TAB2: variants seen among roughly 807,000 people sequenced by gnomAD.
TAB2 encodes the protein TGF-beta-activated kinase 1 and MAP3K7-binding protein 2.
Under a neutral mutation model 65.0 loss-of-function variants are expected in TAB2, and 3 were observed. The ratio of observed to expected loss-of-function variants is 0.05; its 90% CI spans 0.02 to 0.12. The LOEUF is 0.12. Ranked by LOEUF, TAB2 falls within the 10% of genes least tolerant of loss-of-function variation. The probability of loss-of-function intolerance (pLI) is 1.00; values close to 1 mark genes in which losing one functional copy is unlikely to be tolerated. For missense variants in TAB2, 623 were observed against 840.3 expected, an observed-to-expected ratio of 0.74 and a Z score of 3.20; for synonymous variants, 298 against 285.1, an observed-to-expected ratio of 1.05 and a Z score of -0.46.
At chr6:149,300,123 C>T (rs1202750776) in intron 1 of TAB2, among the ~76,000 whole-genome samples, 2 of 152,082 alleles carry the variant, frequency 1.3e-5, no homozygotes, top group African/African-American at 2.4e-5. Context: ...GATATAGGAA[C>T]AGTATCTTGT....
At chr6:149,287,383 G>A (rs996449724) in intron 1 of TAB2, among the ~76,000 whole-genome samples, 5 of 151,612 alleles carry the variant, frequency 3.3e-5, no homozygotes, top group Non-Finnish European at 4.4e-5. Context: ...ATTTATGCCC[G>A]AACTAGAAAT....
At chr6:149,409,371 A>G (rs1055219818) in intron 6 of TAB2, among the ~76,000 whole-genome samples, 3 of 152,050 alleles carry the variant, frequency 2.0e-5, no homozygotes, top group Admixed American at 2.0e-4. Context: ...TGATTACATC[A>G]TGTTCATGTT....
chr6:149,347,621 T>C (rs921637298), intron 1 of TAB2, among the ~76,000 whole-genome samples: 5 of 152,172 alleles, frequency 3.3e-5, no homozygotes, highest in Admixed American at 6.5e-5. Flanking sequence ...AGATTGATTA[T>C]AGTTACCTCA....
rs1562389571 is a variant in TAB2, at chr6:149,254,065, GGAAGGAAGGA to G, written c.-121+35290_-121+35299del. On this transcript the variant is annotated intron_variant, in intron 1 of 1. Transcript: ENST00000606202. ...AAAGAAAGAGGGAGAGAGGGAGGAA[GGAAGGAAGGA>G]AGGAAGGAAGGAAGGAAGGAAGGAA... is the stretch of plus-strand genomic sequence containing the variant. Among the ~76,000 whole-genome samples the G allele has an allele frequency of 9.0e-3, 635 of 70,878 alleles. 11 individuals are homozygous for G. Among genetic ancestry groups the G allele is most frequent in the African/African-American group, 0.03 (517 of 17,186 alleles). 46.5% of individuals were successfully genotyped at this position (70,878 alleles called of 152,430 possible).
intron 1 of TAB2, among the ~76,000 whole-genome samples, chr6:149,229,597 C>A (rs1205667501): frequency 6.6e-6 from 1 of 152,114 alleles, no homozygotes; most frequent in African/African-American, 2.4e-5. Context: ...GTCACCGGAT[C>A]CTGCACAGAG....
chr6:149,265,341 A>G (rs1233866438), intron 1 of TAB2, among the ~76,000 whole-genome samples: 1 of 152,190 alleles, frequency 6.6e-6, no homozygotes, highest in Non-Finnish European at 1.5e-5. Flanking sequence ...GGATATTTCC[A>G]TAACGTAAGT....
At chr6:149,258,112 C>T (rs1326096595) in intron 1 of TAB2, among the ~76,000 whole-genome samples, 2 of 152,124 alleles carry the variant, frequency 1.3e-5, no homozygotes, top group African/African-American at 4.8e-5. Context: ...GGGATTTGCC[C>T]CTTCTCCAGC....
chr6:149,328,612 A>G (rs1261662576), intron 1 of TAB2, among the ~76,000 whole-genome samples: 1 of 152,086 alleles, frequency 6.6e-6, no homozygotes, highest in Non-Finnish European at 1.5e-5. Context: ...TTATTATTCA[A>G]ACTACCTTAC....
intron 1 of TAB2, among the ~76,000 whole-genome samples, chr6:149,338,376 G>A (rs1779996991): frequency 1.3e-5 from 2 of 152,142 alleles, no homozygotes; most frequent in South Asian, 2.1e-4. Context: ...CCATTGAGGA[G>A]AGTCTTAGAA....
intron 1 of TAB2, among the ~76,000 whole-genome samples, chr6:149,358,656 G>GTGTGTGTGTGTGTGTGTC (rs1478574258): frequency 6.6e-6 from 1 of 151,152 alleles, no homozygotes; most frequent in Non-Finnish European, 1.5e-5. Context: ...GTGTGTGTGT[G>GTGTGTGTGTGTGTGTGTC]TGTGTGTGTG....
At chr6:149,302,655 G>C (rs1301224358) in intron 1 of TAB2, among the ~76,000 whole-genome samples, 6 of 152,164 alleles carry the variant, frequency 3.9e-5, no homozygotes, top group Admixed American at 2.6e-4. Flanking sequence ...TACTCCTCAA[G>C]GTCTTGCTGA....
chr6:149,403,267 TATATATATATATATATACACAC>T (rs1472058690), intron 6 of TAB2, among the ~76,000 whole-genome samples: 1,678 of 48,434 alleles, frequency 0.035, 94 homozygotes, highest in South Asian at 0.2. Context: ...TATATATATA[TATATATATATATATATACACAC>T]ACACACATAT....
Position 149,349,898 on chromosome 6 carries a change from T to C in TAB2, c.-89-20011T>C, listed in dbSNP as rs73613054. On this transcript the variant is annotated intron_variant, in intron 1 of 6. Coordinates refer to ENST00000637181, the MANE Select transcript of TAB2 (RefSeq NM_001292034.3). ...TAGGATACACCAGTGAAAAATAGTC[T>C]CTCTGCTTGGGAACTAACATACATG... 5.0e-3 allele frequency among the ~76,000 whole-genome samples: 766 copies of C among 152,044 alleles called. 6 individuals carry two copies. Among genetic ancestry groups the C allele is most frequent in the African/African-American group, 0.018 (744 of 41,508 alleles).
chr6:149,392,029 A>T (rs1246293675), intron 3 of TAB2, among the ~76,000 whole-genome samples: 1 of 152,006 alleles, frequency 6.6e-6, no homozygotes, highest in Non-Finnish European at 1.5e-5. Context: ...ATTAATCAGA[A>T]TTTAAGTTCT....
chr6:149,219,011 T>C (rs1777082864), intron 1 of TAB2, among the ~76,000 whole-genome samples: 1 of 152,220 alleles, frequency 6.6e-6, no homozygotes, highest in African/African-American at 2.4e-5. Flanking sequence ...AGGAAACTTG[T>C]GAACTTTCTG....
At chr6:149,263,150 A>T (rs1257246718) in intron 1 of TAB2, among the ~76,000 whole-genome samples, 1 of 152,110 alleles carries the variant, frequency 6.6e-6, no homozygotes, top group Non-Finnish European at 1.5e-5. Flanking sequence ...GGGAAAGAGC[A>T]TTCAACTGAT....
At chr6:149,377,764 TCG>T (rs1781452256) in intron 2 of TAB2, among the ~76,000 whole-genome samples, 1 of 152,208 alleles carries the variant, frequency 6.6e-6, no homozygotes, top group African/African-American at 2.4e-5. Context: ...ATTTTACTCC[TCG>T]TATCCATTGT....
intron 1 of TAB2, among the ~76,000 whole-genome samples, chr6:149,338,326 G>C (rs1779995341): frequency 6.6e-6 from 1 of 152,146 alleles, no homozygotes; most frequent in Non-Finnish European, 1.5e-5. Flanking sequence ...TTTTATTTCA[G>C]AACTATGGAA....
At chr6:149,260,155 T>C (rs192889090) in intron 1 of TAB2, among the ~76,000 whole-genome samples, 72 of 152,332 alleles carry the variant, frequency 4.7e-4, no homozygotes, top group African/African-American at 1.7e-3. Context: ...TCATTATCTT[T>C]CATTTCCATG....
Sources: gnomAD v4.1 joint callset for allele counts (sites outside exome capture counted in the v4.1 genomes callset) on GRCh38, gnomAD v4.1.1 for gene constraint, MANE v1.5 for transcripts, NCBI Gene and HGNC (gene_info 2026-07-23, HGNC 2026-07-21) for gene names.